The following RALB variants were observed in gnomAD, a reference collection of about 807,000 sequenced individuals.
RALB encodes ras-related protein Ral-B.
In RALB, 16 loss-of-function variants were observed where a neutral mutation model predicts 21.3. That is an observed-to-expected ratio of 0.75 (90% CI 0.51 to 1.14). The LOEUF (loss-of-function observed/expected upper bound fraction) is 1.14. RALB is among the 50% of genes most tolerant of loss of function. The pLI, the probability that RALB is intolerant of heterozygous loss-of-function variation, is 0.00. For missense variants in RALB, 161 were observed against 256.2 expected (o/e 0.63, Z 2.54); for synonymous variants, 93 against 96.1 (o/e 0.97, Z 0.19).
chr2:120,253,892 C>T (rs887690223), intron 1 of RALB, among the ~76,000 whole-genome samples: 1 of 152,156 alleles, frequency 6.6e-6, no homozygotes, highest in African/African-American at 2.4e-5. Flanking sequence ...CTCATTTCTT[C>T]TGAAGTTTTG....
chr2:120,244,361 G>A (rs904147039), intron 1 of RALB, among the ~76,000 whole-genome samples: 1 of 136,298 alleles, frequency 7.3e-6, no homozygotes, highest in Non-Finnish European at 1.5e-5. Context: ...TGGAGCTGCC[G>A]CTCAGCTCAG....
intron 2 of RALB, among the ~76,000 whole-genome samples, chr2:120,285,557 C>CTT (rs1690110068): frequency 8.7e-6 from 1 of 114,878 alleles, no homozygotes; most frequent in African/African-American, 3.7e-5. Context: ...TACCCTAAAA[C>CTT]TTAAAGTATA....
chr2:120,278,327 G>A (rs1323082118), intron 1 of RALB, among the ~76,000 whole-genome samples: 1 of 121,988 alleles, frequency 8.2e-6, no homozygotes, highest in Non-Finnish European at 1.8e-5. Flanking sequence ...GCCCTGCTGA[G>A]GGTCTGATGA....
chr2:120,252,781 A>C (rs1210226118), upstream of RALB: 7 of 985,370 alleles, frequency 7.1e-6, no homozygotes, highest in Admixed American at 6.1e-5. Context: ...AGAGGGCAAG[A>C]ACGGAAGCGA....
At chr2:120,244,152 T>C (rs979598872) in intron 1 of RALB, among the ~76,000 whole-genome samples, 1 of 152,116 alleles carries the variant, frequency 6.6e-6, no homozygotes, top group Non-Finnish European at 1.5e-5. Flanking sequence ...CTCACTATCA[T>C]GAGAACAGCA....
At chr2:120,251,345 GC>G (rs1311390684), upstream of RALB, among the ~76,000 whole-genome samples, 4 of 152,322 alleles carry the variant, frequency 2.6e-5, no homozygotes, top group African/African-American at 7.2e-5. Context: ...GTACATCGTG[GC>G]CTCTGGTGGC....
chr2:120,251,747 A>T (rs1573318609), upstream of RALB, among the ~76,000 whole-genome samples: 1 of 152,226 alleles, frequency 6.6e-6, no homozygotes, highest in East Asian at 1.9e-4. Context: ...TTAAATGTGA[A>T]TGAGAATGGT....
chr2:120,259,328 C>T (rs991603207), intron 1 of RALB, among the ~76,000 whole-genome samples: 14 of 152,240 alleles, frequency 9.2e-5, no homozygotes, highest in Admixed American at 2.0e-4. Flanking sequence ...CTGATTGGTG[C>T]GTTTACAATC....
chr2:120,261,785 T>A (rs1030621513), intron 1 of RALB, among the ~76,000 whole-genome samples: 1 of 152,146 alleles, frequency 6.6e-6, no homozygotes, highest in Non-Finnish European at 1.5e-5. Context: ...GGTCTTGTTA[T>A]GCAGAGAGAG....
In RALB at chr2:120,286,008, T is replaced by G. The variant is rs758828798; in HGVS notation, c.249T>G (p.Phe83Leu). The G allele has an allele frequency of 1.2e-6, 2 of 1,614,104 alleles. No homozygotes were observed. ...ACGCAGCCATTCGAGATAACTACTTTCGGAGTGGGGAAGGGTTTCTTCTTG... is the reference window on the plus strand; with the variant it reads ...ACGCAGCCATTCGAGATAACTACTTGCGGAGTGGGGAAGGGTTTCTTCTTG... ...EDYAAIRDNY[F>L]RSGEGFLLVF... The change falls in exon 3 of 5, where the codon TTT becomes TTG. Residue 83 changes from phenylalanine (F) to leucine (L), a missense_variant. Transcript: ENST00000272519.
At chr2:120,285,831 C>A in intron 2 of RALB, 43 bp from the exon 3 acceptor site, 1 of 1,560,378 alleles carries the variant, frequency 6.4e-7, no homozygotes, top group Non-Finnish European at 8.8e-7. Flanking sequence ...GATTTTGTTC[C>A]CCTTAAGACT....
intron 1 of RALB, among the ~76,000 whole-genome samples, chr2:120,246,226 G>A (rs1574840986): frequency 6.6e-6 from 1 of 152,266 alleles, no homozygotes; most frequent in Non-Finnish European, 1.5e-5. Flanking sequence ...GTGCTTTGGT[G>A]AGGGGCCAGT....
chr2:120,278,176 G>A (rs1276603448), intron 1 of RALB, among the ~76,000 whole-genome samples: 2 of 152,096 alleles, frequency 1.3e-5, no homozygotes, highest in Admixed American at 6.6e-5. Context: ...GTGTTGTGGG[G>A]TAGAGGGTAA....
intron 1 of RALB, among the ~76,000 whole-genome samples, chr2:120,258,725 G>A (rs1185475494): frequency 6.6e-6 from 1 of 152,200 alleles, no homozygotes; most frequent in Admixed American, 6.5e-5. Context: ...AGCTAGAAAT[G>A]GTCATGAATT....
At chr2:120,278,478 G>A (rs1689902659) in intron 1 of RALB, 140 bp from the exon 2 acceptor site, 1 of 811,258 alleles carries the variant, frequency 1.2e-6, no homozygotes, top group African/African-American at 1.8e-5. Flanking sequence ...GGGCTCGCAT[G>A]TCTGCCCTGA....
intron 4 of RALB, among the ~76,000 whole-genome samples, chr2:120,290,628 A>ATC (rs1282471090): frequency 4.4e-5 from 4 of 91,648 alleles, no homozygotes; most frequent in East Asian, 2.2e-4. Context: ...AATCTCTGGG[A>ATC]TCTCTTTTTT....
intron 1 of RALB, among the ~76,000 whole-genome samples, chr2:120,255,965 G>C (rs983677718): frequency 6.9e-6 from 1 of 144,184 alleles, no homozygotes; most frequent in Non-Finnish European, 1.5e-5. Flanking sequence ...ATAGTAGTTT[G>C]GTCCTGCGTG....
intron 3 of RALB, 75 bp downstream of exon 3, chr2:120,286,157 A>T (rs896845987): frequency 2.3e-6 from 3 of 1,293,304 alleles, no homozygotes; most frequent in East Asian, 2.3e-5. Context: ...GCCTATGAAG[A>T]ATTTGGGGCT....
At chr2:120,255,083 A>G (rs546756044) in intron 1 of RALB, among the ~76,000 whole-genome samples, 3 of 142,852 alleles carry the variant, frequency 2.1e-5, no homozygotes, top group South Asian at 4.2e-4. Flanking sequence ...AAACATCATT[A>G]GAGACCTTTC....
Sources: allele counts gnomAD v4.1 joint callset (sites outside exome capture counted in the v4.1 genomes callset), GRCh38; gene constraint gnomAD v4.1.1; transcripts MANE v1.5; gene names NCBI Gene and HGNC (gene_info 2026-07-23, HGNC 2026-07-21).